Variants in HFM1 observed in about 807,000 individuals in gnomAD.
HFM1 encodes the protein helicase for meiosis 1, also known as probable ATP-dependent DNA helicase HFM1.
Under a neutral mutation model 192.1 loss-of-function variants are expected in HFM1, and 169 were observed. The observed-to-expected ratio is 0.88, with a 90% CI of 0.78 to 1.00. The LOEUF (loss-of-function observed/expected upper bound fraction) is 1.00, where lower values mean the gene tolerates loss of function less well. Ranked by LOEUF, HFM1 falls within the 50% of genes least tolerant of loss-of-function variation. HFM1 has a pLI of 0.00. For missense variants in HFM1, 1,661 were observed against 1,668.0 expected (o/e 1.00, Z 0.07); for synonymous variants, 525 against 537.8 (o/e 0.98, Z 0.33).
At chr1:91,269,974 T>C (rs1314874529) in intron 34 of HFM1, among the ~76,000 whole-genome samples, 1 of 152,154 alleles carries the variant, frequency 6.6e-6, no homozygotes, top group Non-Finnish European at 1.5e-5. Flanking sequence ...CGTTGAAGCT[T>C]ATTTGCCATA....
At chr1:91,328,886 G>A in intron 20 of HFM1, 7 of 1,610,844 alleles carry the variant, frequency 4.3e-6, no homozygotes, top group Non-Finnish European at 5.1e-6. Context: ...CCTGGTGAAG[G>A]CTGGCAAAGT....
At chr1:91,269,670 G>A (rs1473615494) in intron 34 of HFM1, among the ~76,000 whole-genome samples, 2 of 152,134 alleles carry the variant, frequency 1.3e-5, no homozygotes, top group African/African-American at 4.8e-5. Context: ...ATCTAAACCT[G>A]CAATGGAAGT....
intron 25 of HFM1, among the ~76,000 whole-genome samples, chr1:91,317,093 C>T (rs1196533868): frequency 1.3e-5 from 2 of 152,122 alleles, no homozygotes; most frequent in African/African-American, 2.4e-5. Flanking sequence ...ACTCTCCAGT[C>T]ACACTTGCTT....
At chr1:91,317,400 C>T (rs1651421151) in intron 25 of HFM1, among the ~76,000 whole-genome samples, 2 of 152,048 alleles carry the variant, frequency 1.3e-5, no homozygotes, top group Admixed American at 1.3e-4. Context: ...GGCAACAAAG[C>T]AAAACTCCAT....
chr1:91,285,292 G>C (rs1285737215), intron 30 of HFM1, among the ~76,000 whole-genome samples: 2 of 152,116 alleles, frequency 1.3e-5, no homozygotes, highest in African/African-American at 2.4e-5. Flanking sequence ...TAAGGTGCAT[G>C]TTTTTGTTTT....
chr1:91,284,451 C>T (rs971708918), intron 30 of HFM1, among the ~76,000 whole-genome samples: 4 of 152,002 alleles, frequency 2.6e-5, no homozygotes, highest in Non-Finnish European at 5.9e-5. Context: ...GGGGTTTCAC[C>T]ACATTGGCCA....
At chr1:91,386,664 C>G (rs1277884327) in intron 4 of HFM1, among the ~76,000 whole-genome samples, 1 of 152,118 alleles carries the variant, frequency 6.6e-6, no homozygotes, top group Non-Finnish European at 1.5e-5. Flanking sequence ...GAAAAAGCCA[C>G]TAAATATAGT....
chr1:91,308,599 A>G (rs1229072392), intron 30 of HFM1, among the ~76,000 whole-genome samples: 2 of 152,138 alleles, frequency 1.3e-5, no homozygotes, highest in Non-Finnish European at 2.9e-5. Flanking sequence ...ATTCACAGAC[A>G]TGATCATAGT....
In HFM1 at chr1:91,288,590, T is replaced by C. The variant is rs199952600; in HGVS notation, c.3392-11528A>G. ...GGGAGTGGTGATGACTCTTAAGGAG[T>C]ATGCTGCCTTCAAGCATCTGTTTAA... On this transcript the variant is annotated intron_variant, in intron 30 of 38. Coordinates refer to ENST00000370425, the MANE Select transcript of HFM1 (RefSeq NM_001017975.6). Among the ~76,000 whole-genome samples the C allele has an allele frequency of 1.6e-3, 241 of 152,014 alleles. 4 individuals are homozygous for C. The East Asian group carries it at 0.023, about 14-fold the overall frequency.
intron 30 of HFM1, among the ~76,000 whole-genome samples, chr1:91,303,458 A>G (rs1649143848): frequency 6.6e-6 from 1 of 152,228 alleles, no homozygotes; most frequent in South Asian, 2.1e-4. Flanking sequence ...TATTATAAAT[A>G]ATGCAGCTAT....
chr1:91,278,369 G>C (rs1343739597), intron 30 of HFM1, among the ~76,000 whole-genome samples: 1 of 152,060 alleles, frequency 6.6e-6, no homozygotes, highest in South Asian at 2.1e-4. Context: ...CGGGGAAGGA[G>C]AGAGATGTTT....
intron 13 of HFM1, among the ~76,000 whole-genome samples, chr1:91,374,679 A>C (rs1660690357): frequency 6.6e-6 from 1 of 152,176 alleles, no homozygotes; most frequent in Admixed American, 6.6e-5. Flanking sequence ...GCAAGAACCA[A>C]GGTTCTATTT....
chr1:91,272,698 T>C (rs1042139431), intron 34 of HFM1, among the ~76,000 whole-genome samples: 1 of 152,046 alleles, frequency 6.6e-6, no homozygotes, highest in African/African-American at 2.4e-5. Context: ...TTTGAATAAG[T>C]TGGATAAATG....
chr1:91,329,158 A>T, intron 20 of HFM1: 1 of 1,609,866 alleles, frequency 6.2e-7, no homozygotes. Flanking sequence ...GAGATCGTGC[A>T]GCGACTTGAC....
chr1:91,370,396 T>C (rs1023758822), intron 13 of HFM1, among the ~76,000 whole-genome samples: 15 of 152,118 alleles, frequency 9.9e-5, no homozygotes, highest in Admixed American at 9.2e-4. Flanking sequence ...TCCACCATGA[T>C]CAAGTGGGCT....
chr1:91,399,693 T>C (rs1477466862), intron 2 of HFM1, among the ~76,000 whole-genome samples: 4 of 152,186 alleles, frequency 2.6e-5, no homozygotes. Context: ...ACTTCTTCTC[T>C]TTCTATAGGA....
chr1:91,315,814 C>G lies in HFM1; in HGVS notation c.3140+1G>C, dbSNP rs762180649. 4 of 1,595,492 alleles carry G rather than the reference C, an allele frequency of 2.5e-6. No individual in the cohort carries two copies. The East Asian group carries it at 6.7e-5, about 27-fold the overall frequency. On this transcript the variant is annotated splice_donor_variant, in intron 28 of 38. Coordinates refer to ENST00000370425, the MANE Select transcript of HFM1 (RefSeq NM_001017975.6). LOFTEE classifies it high-confidence loss of function. ...TCAAACATCAGAAATTTCACACTTA[C>G]GTAATCTTGTGCAGATAAACTACTT...
rs778418666 is a variant in HFM1, at chr1:91,276,748, G to A, written c.3473-5C>T. 2 of 1,299,148 alleles carry A rather than the reference G, an allele frequency of 1.5e-6. No individual in the cohort carries two copies. The highest frequency in any genetic ancestry group is 2.1e-6 in the Non-Finnish European group (2 of 945,300). The allele number at this position is 1,299,148 out of a possible 1,614,324, so 80.5% of individuals were successfully genotyped here. A position where few individuals can be genotyped will look rare whatever the true frequency, so the allele number is the denominator to read the frequency against. On this transcript the variant is annotated splice_polypyrimidine_tract_variant and splice_region_variant and intron_variant, in intron 31 of 38. Transcript: ENST00000370425. ...TCTGTGCAACTCCAATTTTACCTAT[G>A]AAAAGAAACTTCAGATTCTTTAGGT...
intron 23 of HFM1, among the ~76,000 whole-genome samples, chr1:91,320,848 CAG>C (rs1256964744): frequency 1.3e-5 from 2 of 152,162 alleles, no homozygotes; most frequent in Non-Finnish European, 2.9e-5. Context: ...CCTCAACTAA[CAG>C]GGGCAGAGTT....
Sources: allele counts gnomAD v4.1 joint callset (sites outside exome capture counted in the v4.1 genomes callset), GRCh38; gene constraint gnomAD v4.1.1; transcripts MANE v1.5; gene names NCBI Gene and HGNC (gene_info 2026-07-23, HGNC 2026-07-21).